SLFN13: variants seen among roughly 807,000 people sequenced by gnomAD.
The protein encoded by SLFN13 is schlafen-13.
Under a neutral mutation model 50.6 loss-of-function variants are expected in SLFN13, and 43 were observed. That is an observed-to-expected ratio of 0.85 (90% CI 0.67 to 1.09). The LOEUF (loss-of-function observed/expected upper bound fraction) is 1.09. Ranked by LOEUF, SLFN13 falls within the 50% of genes least tolerant of loss-of-function variation. SLFN13 has a pLI of 0.00. For missense variants in SLFN13, 881 were observed against 1,071.1 expected (o/e 0.82, Z 2.48); for synonymous variants, 339 against 386.5 (o/e 0.88, Z 1.44).
At chr17:35,441,478 C>G in intron 5 of SLFN13, 85 bp downstream of exon 5, 1 of 1,597,534 alleles carries the variant, frequency 6.3e-7, no homozygotes, top group Non-Finnish European at 8.5e-7. Flanking sequence ...TTTTACCACT[C>G]AATTCTCAAG....
chr17:35,444,664 G>A lies in SLFN13; in HGVS notation c.1017C>T (p.Arg339=). Residue 339 remains arginine (R), a synonymous_variant, in exon 3 of 6, where the codon CGC becomes CGT. Coordinates refer to ENST00000285013, the MANE Select transcript of SLFN13 (RefSeq NM_144682.6). The stretch of plus-strand genomic sequence containing the variant: ...CTACCCATTCCTCAGTTGTCAAGGG[G>A]CGGATGTACTTCTCCCTCACCATCC... ...KSWMVREKYI[R]PLTTEEWVEK... 1 of 1,614,184 alleles carries A rather than the reference G, an allele frequency of 6.2e-7. No individual in the cohort carries two copies. Among genetic ancestry groups the A allele is most frequent in the Non-Finnish European group, 8.5e-7 (1 of 1,180,036 alleles).
intron 4 of SLFN13, 30 bp downstream of exon 4, chr17:35,443,759 T>C (rs1312885566): frequency 1.3e-6 from 2 of 1,596,178 alleles, no homozygotes; most frequent in Non-Finnish European, 1.7e-6. Context: ...GACTTCCTTC[T>C]CTCCTGATGT....
rs765046971 is a variant in SLFN13 at position 35,445,356 on chromosome 17, C to T, written c.325G>A (p.Val109Ile). The T allele has an allele frequency of 1.2e-6, 2 of 1,613,740 alleles. No homozygotes were observed. Among genetic ancestry groups the T allele is most frequent in the Non-Finnish European group, 1.7e-6 (2 of 1,179,932 alleles). Residue 109 changes from valine to isoleucine, a missense_variant, in exon 3 of 6, where the codon GTT (valine) becomes ATT (isoleucine). Val to Ile is a conservative substitution (Grantham distance 29, BLOSUM62 3). This residue lies in a region of SLFN13 where 497 missense variants were observed against 518.3 expected (regional missense o/e 0.96). Transcript: ENST00000285013. ...AAAGGATCACCACTCCAAGATTTAACAAAAATATAAAAACACCTTCCGTGT... is the reference window on the plus strand; with the variant it reads ...AAAGGATCACCACTCCAAGATTTAATAAAAATATAAAAACACCTTCCGTGT... ...KQHGRCFYIF[V>I]KSWSGDPFLK...
Position 35,444,925 on chromosome 17 carries a change from C to T in SLFN13, c.756G>A (p.Lys252=). 1.2e-6 allele frequency: 2 copies of T among 1,614,198 alleles called. No individual in the cohort carries two copies. Among genetic ancestry groups the T allele is most frequent in the Non-Finnish European group, 1.7e-6 (2 of 1,180,046 alleles). The change falls in exon 3 of 6, where the codon AAG becomes AAA. Residue 252 remains lysine (K), a synonymous_variant. Transcript: ENST00000285013. ...GGYLFIGVDD[K]SRKVLGCAKE... is the part of the protein sequence containing the mutation. ...TGGCACATCCCAGGACTTTCCTACT[C>T]TTATCATCCACTCCAATAAAAAGAT...
chr17:35,443,688 T>TAC, intron 4 of SLFN13, 101 bp downstream of exon 4: 1 of 1,323,484 alleles, frequency 7.6e-7, no homozygotes, highest in Non-Finnish European at 1.1e-6. Context: ...TGTCACTGTG[T>TAC]ACACCTGGAT....
upstream of SLFN13, among the ~76,000 whole-genome samples, chr17:35,449,214 T>C (rs184218430): frequency 2.2e-3 from 333 of 149,920 alleles, 3 homozygotes; most frequent in African/African-American, 7.7e-3. Flanking sequence ...CACTCCAGCT[T>C]GGGCGACAGA....
intron 2 of SLFN13, chr17:35,445,896 A>C (rs1913191581): frequency 2.0e-6 from 1 of 495,996 alleles, no homozygotes. Flanking sequence ...CATCTGTGAC[A>C]TGGGCTCTAA....
chr17:35,439,055 G>C lies in SLFN13; in HGVS notation c.*1540C>G, dbSNP rs57016744. On this transcript the variant is annotated 3_prime_UTR_variant, in exon 6 of 6. Coordinates refer to ENST00000285013, the MANE Select transcript of SLFN13 (RefSeq NM_144682.6). ...TCGAAGACATAGGTGCCAGCAGGGT[G>C]GGGGGGGGGGTTCATTGTGAGGCTT... The C allele has an allele frequency of 1.9e-4, 8 of 41,546 alleles. No homozygotes were observed. The highest frequency in any genetic ancestry group is 3.8e-4 in the African/African-American group (2 of 5,240). The allele number at this position is 41,546 out of a possible 1,614,324, so 2.6% of individuals were successfully genotyped here. A position where few individuals can be genotyped will look rare whatever the true frequency, so the allele number is the denominator to read the frequency against.
intron 3 of SLFN13, among the ~76,000 whole-genome samples, chr17:35,444,166 C>A (rs987809803): frequency 6.6e-6 from 1 of 152,170 alleles, no homozygotes; most frequent in Non-Finnish European, 1.5e-5. Context: ...TTGAATAGTT[C>A]TTTGCTTGAA....
rs1912799012 is a variant in SLFN13, at chr17:35,440,520, T to C, written c.*75A>G. On this transcript the variant is annotated 3_prime_UTR_variant, in exon 6 of 6. Coordinates refer to ENST00000285013, the MANE Select transcript of SLFN13 (RefSeq NM_144682.6). ...CTGACTTGTGAACTAAAAAGAAAGG[T>C]TTCTACCATCAGCAGACTGTCACCC... 2.4e-5 allele frequency: 37 copies of C among 1,522,074 alleles called. 1 individual carries two copies. The South Asian group carries it at 4.3e-4, about 18-fold the overall frequency. The allele number at this position is 1,522,074 out of a possible 1,614,324, so 94.3% of individuals were successfully genotyped here. A position where few individuals can be genotyped will look rare whatever the true frequency, so the allele number is the denominator to read the frequency against.
Position 35,443,769 on chromosome 17 carries a change from T to C in SLFN13, c.1198+20A>G. The C allele has an allele frequency of 6.2e-7, 1 of 1,602,240 alleles. No individual in the cohort carries two copies. Among genetic ancestry groups the C allele is most frequent in the Non-Finnish European group, 8.5e-7 (1 of 1,171,600 alleles). On this transcript the variant is annotated intron_variant, in intron 4 of 5. Transcript: ENST00000285013. The stretch of plus-strand genomic sequence containing the variant: ...TAAATGACTTCCTTCTCTCCTGATG[T>C]AAAAACTGGCAGTCAGTACCTGGAA...
In SLFN13 at chr17:35,441,384, A is replaced by G. The variant is rs775237529; in HGVS notation, c.1923-18T>C. 3 of 1,585,818 alleles carry G rather than the reference A, an allele frequency of 1.9e-6. No homozygotes were observed. The African/African-American group carries it at 4.1e-5, about 22-fold the overall frequency. On this transcript the variant is annotated intron_variant, in intron 5 of 5. Coordinates refer to ENST00000285013, the MANE Select transcript of SLFN13 (RefSeq NM_144682.6). ...TTCTATCACTGTAAAAATTAAAAGA[A>G]TACACTCAGGTTTTCTCTAAGAAAA... is the stretch of plus-strand genomic sequence containing the variant.
rs1384137509 is a variant in SLFN13, at chr17:35,439,048, G to A, written c.*1547C>T. 4 of 98,680 alleles carry A rather than the reference G, an allele frequency of 4.1e-5. No homozygotes were observed. Among genetic ancestry groups the A allele is most frequent in the African/African-American group, 1.9e-4 (4 of 21,292 alleles). 6.1% of individuals were successfully genotyped at this position (98,680 alleles called of 1,614,324 possible). ...CTGGAAGTCGAAGACATAGGTGCCAGCAGGGTGGGGGGGGGGGTTCATTGT... is the reference window on the plus strand; with the variant it reads ...CTGGAAGTCGAAGACATAGGTGCCAACAGGGTGGGGGGGGGGGTTCATTGT... On this transcript the variant is annotated 3_prime_UTR_variant, in exon 6 of 6. Transcript: ENST00000285013.
chr17:35,444,584 G>A, intron 3 of SLFN13, 31 bp downstream of exon 3: 1 of 1,587,780 alleles, frequency 6.3e-7, no homozygotes, highest in Non-Finnish European at 8.6e-7. Context: ...AGGTAGAAAG[G>A]TCAGGAAGGG....
intron 4 of SLFN13, among the ~76,000 whole-genome samples, chr17:35,442,805 A>G (rs1912994630): frequency 6.6e-6 from 1 of 152,186 alleles, no homozygotes; most frequent in South Asian, 2.1e-4. Flanking sequence ...TCACCCTTCT[A>G]TGTATCTCAT....
upstream of SLFN13, among the ~76,000 whole-genome samples, chr17:35,449,388 A>AC (rs1913391425): frequency 1.3e-5 from 2 of 151,426 alleles, no homozygotes; most frequent in African/African-American, 4.9e-5. Context: ...CCTTCCCCGG[A>AC]CCCCTCCTCT....
rs1318138380 is a variant in SLFN13, at chr17:35,445,573, T to C, written c.108A>G (p.Lys36=). 3.1e-6 allele frequency: 5 copies of C among 1,614,126 alleles called. No individual in the cohort carries two copies. The highest frequency in any genetic ancestry group is 4.2e-6 in the Non-Finnish European group (5 of 1,180,026). ...TCGCCCTCTCTTGGTCTCTCTGAGTTTTCTGTAGCTTTTTTCTGTTTTCTT... is the reference window on the plus strand; with the variant it reads ...TCGCCCTCTCTTGGTCTCTCTGAGTCTTCTGTAGCTTTTTTCTGTTTTCTT... ...LGEENRKKLQ[K]TQRDQERARV... The change falls in exon 3 of 6, where the codon AAA becomes AAG. Residue 36 remains lysine, a synonymous_variant. Coordinates refer to ENST00000285013, the MANE Select transcript of SLFN13 (RefSeq NM_144682.6).
chr17:35,448,081 C>A (rs1252636371), intron 1 of SLFN13, among the ~76,000 whole-genome samples: 1 of 141,864 alleles, frequency 7.0e-6, no homozygotes, highest in Non-Finnish European at 1.6e-5. Flanking sequence ...GATAGGGTCT[C>A]CCTACATTGC....
Position 35,443,918 on chromosome 17 carries a change from A to G in SLFN13, c.1069T>C (p.Phe357Leu), listed in dbSNP as rs751367816. The G allele has an allele frequency of 1.9e-6, 3 of 1,612,376 alleles. No individual in the cohort carries two copies. The Admixed American group carries it at 5.0e-5, about 27-fold the overall frequency. The change falls in exon 4 of 6, where the codon TTT (phenylalanine) becomes CTT (leucine). Residue 357 changes from phenylalanine to leucine, a missense_variant and splice_region_variant. This residue lies in a region of SLFN13 where 497 missense variants were observed against 518.3 expected (regional missense o/e 0.96). Coordinates refer to ENST00000285013, the MANE Select transcript of SLFN13 (RefSeq NM_144682.6). ...AAGGCCTCAGCAAAGTCTGGAGGAA[A>G]CTCTGAAAGAAAGAACATTTTAATT... The part of the protein sequence containing the change: ...VEKMMDADPE[F>L]PPDFAEAFES...
Sources: gnomAD v4.1 joint callset for allele counts (sites outside exome capture counted in the v4.1 genomes callset) on GRCh38, gnomAD v4.1.1 for gene constraint, gnomAD v4.1.1 regional missense constraint, MANE v1.5 for transcripts, NCBI Gene and HGNC (gene_info 2026-07-23, HGNC 2026-07-21) for gene names.